The following RARS2 variants were observed in gnomAD, a reference collection of about 807,000 sequenced individuals.
RARS2 encodes arginyl-tRNA synthetase 2, mitochondrial, also known as probable arginine--tRNA ligase, mitochondrial.
Under a neutral mutation model 88.5 loss-of-function variants are expected in RARS2, and 67 were observed. The ratio of observed to expected loss-of-function variants is 0.76; its 90% CI spans 0.62 to 0.93. The LOEUF (loss-of-function observed/expected upper bound fraction) is 0.93. Ranked by LOEUF, RARS2 falls within the 40% of genes least tolerant of loss-of-function variation. The probability of loss-of-function intolerance (pLI) is 0.00; values close to 1 mark genes in which losing one functional copy is unlikely to be tolerated. For synonymous variants in RARS2, 239 were observed against 230.3 expected (o/e 1.04, Z -0.34); for missense variants, 664 against 684.2 (o/e 0.97, Z 0.33).
At chr6:87,532,837 A>G (rs943284548) in intron 8 of RARS2, among the ~76,000 whole-genome samples, 65 of 152,286 alleles carry the variant, frequency 4.3e-4, no homozygotes, top group African/African-American at 1.5e-3. Flanking sequence ...AACACATACA[A>G]TGTCAGTTAG....
chr6:87,564,106 A>T, intron 3 of RARS2, 24 bp downstream of exon 3: 1 of 1,531,926 alleles, frequency 6.5e-7, no homozygotes, highest in Non-Finnish European at 9.0e-7. Flanking sequence ...ACAATGTCAA[A>T]AAGAGATAAT....
intron 1 of RARS2, among the ~76,000 whole-genome samples, chr6:87,579,975 G>A (rs4330517): frequency 0.4 from 60,723 of 151,612 alleles, 12,259 homozygotes; most frequent in Admixed American, 0.48. Context: ...TCTTGACCTC[G>A]TGATCCACCC....
At position 87,530,933 on chromosome 6, in the gene RARS2, G is replaced by T; in HGVS notation, c.622C>A (p.Gln208Lys). 6.2e-7 allele frequency: 1 copy of T among 1,613,974 alleles called. No homozygotes were observed. Among genetic ancestry groups the T allele is most frequent in the Non-Finnish European group, 8.5e-7 (1 of 1,179,986 alleles). ...PLQHLFEVYV[Q>K]VNKEAADDKS... Reference sequence around the variant, plus strand: ...TCATCTGCTGCTTCTTTATTAACTTGTACATAAACCTAAAAGTACAATAGT... The same window carrying T: ...TCATCTGCTGCTTCTTTATTAACTTTTACATAAACCTAAAAGTACAATAGT... Residue 208 changes from glutamine (Q) to lysine (K), a missense_variant, in exon 9 of 20, where the codon CAA (glutamine) becomes AAA (lysine). Gln to Lys is a moderately conservative substitution (Grantham distance 53). Coordinates refer to ENST00000369536, the MANE Select transcript of RARS2 (RefSeq NM_020320.5).
intron 7 of RARS2, 57 bp from the exon 8 acceptor site, chr6:87,542,051 T>G (rs1031441376): frequency 7.7e-7 from 1 of 1,301,766 alleles, no homozygotes; most frequent in Non-Finnish European, 1.1e-6. Flanking sequence ...AGAATAGGCA[T>G]GACAGGGAAT....
chr6:87,560,269 A>G (rs1317521089), intron 4 of RARS2, among the ~76,000 whole-genome samples: 1 of 152,244 alleles, frequency 6.6e-6, no homozygotes, highest in African/African-American at 2.4e-5. Context: ...TTAAACATGC[A>G]AAGTTTAATT....
At chr6:87,518,075 G>T in intron 17 of RARS2, 94 bp downstream of exon 17, 1 of 1,609,512 alleles carries the variant, frequency 6.2e-7, no homozygotes, top group Non-Finnish European at 8.5e-7. Flanking sequence ...GCAGAAGGCA[G>T]CTACTGGACT....
intron 2 of RARS2, among the ~76,000 whole-genome samples, chr6:87,565,561 C>A (rs1398367673): frequency 2.0e-5 from 3 of 152,194 alleles, no homozygotes; most frequent in African/African-American, 7.2e-5. Context: ...AAAGCTCTCC[C>A]TTTCCCTACA....
chr6:87,515,436 C>T (rs181755259), intron 18 of RARS2, among the ~76,000 whole-genome samples: 4 of 151,732 alleles, frequency 2.6e-5, no homozygotes, highest in Non-Finnish European at 5.9e-5. Context: ...AGGAGAATGG[C>T]GTGAACCCAG....
intron 8 of RARS2, among the ~76,000 whole-genome samples, chr6:87,533,786 A>C (rs1182921389): frequency 6.6e-6 from 1 of 152,232 alleles, no homozygotes; most frequent in African/African-American, 2.4e-5. Flanking sequence ...GCCCAAATAT[A>C]AAGAACTAAG....
intron 7 of RARS2, 136 bp downstream of exon 7, chr6:87,545,480 T>G (rs1782331113): frequency 3.8e-6 from 4 of 1,063,342 alleles, no homozygotes; most frequent in African/African-American, 1.7e-5. Context: ...AAAAGAGCCA[T>G]TAGGGAAAAA....
In RARS2 at chr6:87,584,829, T is replaced by C. The variant is rs1774653229; in HGVS notation, c.36+5093A>G. 10 of 406,984 alleles carry C rather than the reference T, an allele frequency of 2.5e-5. No individual in the cohort carries two copies. In the East Asian group the frequency reaches 3.7e-4, roughly 15 times the overall value. 25.2% of individuals were successfully genotyped at this position (406,984 alleles called of 1,614,324 possible). A position where few individuals can be genotyped will look rare whatever the true frequency, so the allele number is the denominator to read the frequency against. On this transcript the variant is annotated intron_variant, in intron 1 of 19. Transcript: ENST00000369536. The stretch of plus-strand genomic sequence containing the variant: ...TACCCCAAGACCCAGGGCTTCTCTA[T>C]GGTATATACCATAGAGAAGGGGTAA...
chr6:87,518,023 A>G, intron 17 of RARS2, 146 bp downstream of exon 17: 2 of 1,489,818 alleles, frequency 1.3e-6, no homozygotes, highest in Non-Finnish European at 1.8e-6. Context: ...TCAAAATGCA[A>G]ATAATCACTT....
intron 5 of RARS2, among the ~76,000 whole-genome samples, chr6:87,555,035 T>C (rs1472516120): frequency 8.6e-5 from 13 of 151,490 alleles, no homozygotes; most frequent in African/African-American, 2.9e-4. Context: ...ACCCAGGAGG[T>C]GGAGCTTGCA....
intron 1 of RARS2, among the ~76,000 whole-genome samples, chr6:87,583,953 T>C (rs1448553495): frequency 1.8e-4 from 27 of 152,222 alleles, no homozygotes; most frequent in Admixed American, 1.8e-3. Flanking sequence ...AAGCACAATA[T>C]ACCACTGTGC....
intron 4 of RARS2, among the ~76,000 whole-genome samples, chr6:87,556,989 T>C (rs565000619): frequency 2.0e-5 from 3 of 151,720 alleles, no homozygotes; most frequent in Non-Finnish European, 4.4e-5. Context: ...GTGGTTTATG[T>C]TGTGAAAAAT....
At chr6:87,563,812 CTAATT>C (rs1009011081) in intron 3 of RARS2, among the ~76,000 whole-genome samples, 3 of 152,306 alleles carry the variant, frequency 2.0e-5, no homozygotes, top group African/African-American at 7.2e-5. Flanking sequence ...ACTCACTGCT[CTAATT>C]TATCAAGCTT....
chr6:87,580,243 G>T (rs949339972), intron 1 of RARS2, among the ~76,000 whole-genome samples: 1 of 152,104 alleles, frequency 6.6e-6, no homozygotes, highest in Non-Finnish European at 1.5e-5. Context: ...CTTCATCTAG[G>T]ACTAGCACAA....
intron 18 of RARS2, 107 bp from the exon 19 acceptor site, chr6:87,515,127 C>G (rs765309447): frequency 5.7e-5 from 50 of 884,546 alleles, no homozygotes; most frequent in Non-Finnish European, 8.7e-5. Context: ...AGCCCAGAAC[C>G]ATTAAAGGAT....
intron 19 of RARS2, 101 bp downstream of exon 19, chr6:87,514,856 T>G: frequency 1.0e-6 from 1 of 956,294 alleles, no homozygotes; most frequent in South Asian, 1.3e-5. Context: ...ACTGCTACAG[T>G]TGAACAACAG....
Sources: allele counts gnomAD v4.1 joint callset (sites outside exome capture counted in the v4.1 genomes callset), GRCh38; gene constraint gnomAD v4.1.1; transcripts MANE v1.5; gene names NCBI Gene and HGNC (gene_info 2026-07-23, HGNC 2026-07-21).